GPC5: variants seen among roughly 807,000 people sequenced by gnomAD.
GPC5 encodes glypican-5.
Under a neutral mutation model 53.9 loss-of-function variants are expected in GPC5, and 47 were observed. The observed-to-expected ratio is 0.87, with a 90% confidence interval of 0.69 to 1.11. The LOEUF (loss-of-function observed/expected upper bound fraction) is 1.11. Ranked by LOEUF, GPC5 falls within the 50% of genes most tolerant of loss-of-function variation. The pLI is 0.00. For missense variants in GPC5, 748 were observed against 713.1 expected, an observed-to-expected ratio of 1.05 and a Z score of -0.56; for synonymous variants, 286 against 263.3, an observed-to-expected ratio of 1.09 and a Z score of -0.84.
Position 92,042,412 on chromosome 13 carries a change from G to A in GPC5, c.1402-102418G>A, listed in dbSNP as rs145027394. 1.1e-3 allele frequency among the ~76,000 whole-genome samples: 168 copies of A among 152,146 alleles called. 3 individuals are homozygous for A. In the East Asian group the frequency reaches 0.027, roughly 25 times the overall value. On this transcript the variant is annotated intron_variant, in intron 6 of 7. Coordinates refer to ENST00000377067, the MANE Select transcript of GPC5 (RefSeq NM_004466.6). ...AATCCAACTTGCTAATAGGGCTCCA[G>A]CACAAGCTTTCACCAATAAGTGGAA...
chr13:91,912,997 C>T (rs1225180483), intron 6 of GPC5, among the ~76,000 whole-genome samples: 2 of 152,124 alleles, frequency 1.3e-5, no homozygotes, highest in Non-Finnish European at 1.5e-5. Flanking sequence ...TCATTGGGCT[C>T]TCTAGAGACC....
intron 7 of GPC5, among the ~76,000 whole-genome samples, chr13:92,395,965 G>A (rs1875251950): frequency 6.6e-6 from 1 of 150,586 alleles, no homozygotes; most frequent in Non-Finnish European, 1.5e-5. Flanking sequence ...ATCCTGTTGG[G>A]TGTTCTCTGA....
rs994339617 is a variant in GPC5 at position 91,868,083 on chromosome 13, T to C, written c.1281-39854T>C. The stretch of plus-strand genomic sequence containing the variant: ...TGAAATCATATTATTCAAGAAATTG[T>C]CTTTTTTCAAGGTCATATTGAAGAG... On this transcript the variant is annotated intron_variant, in intron 5 of 7. Coordinates refer to ENST00000377067, the MANE Select transcript of GPC5 (RefSeq NM_004466.6). 2.6e-5 allele frequency among the ~76,000 whole-genome samples: 4 copies of C among 152,318 alleles called. No homozygotes were observed. In the Middle Eastern group the frequency reaches 0.01, roughly 389 times the overall value.
At chr13:92,062,147 C>T (rs1487308740) in intron 6 of GPC5, among the ~76,000 whole-genome samples, 1 of 151,604 alleles carries the variant, frequency 6.6e-6, no homozygotes, top group East Asian at 1.9e-4. Flanking sequence ...ATTAATTTTG[C>T]TTGATTTTTT....
chr13:91,572,937 T>C (rs569625268), intron 2 of GPC5, among the ~76,000 whole-genome samples: 1 of 152,278 alleles, frequency 6.6e-6, no homozygotes, highest in South Asian at 2.1e-4. Flanking sequence ...ATTATAATTG[T>C]CCCAAATCCA....
intron 7 of GPC5, among the ~76,000 whole-genome samples, chr13:92,470,953 G>C (rs1031236156): frequency 6.6e-6 from 1 of 152,128 alleles, no homozygotes; most frequent in African/African-American, 2.4e-5. Context: ...AAAATGGAGG[G>C]AGACAGGTTT....
chr13:92,527,692 A>C (rs548893108), intron 7 of GPC5, among the ~76,000 whole-genome samples: 1 of 152,310 alleles, frequency 6.6e-6, no homozygotes, highest in South Asian at 2.1e-4. Flanking sequence ...CAGTATTTTC[A>C]ATAGAACTTA....
At chr13:91,841,102 A>G (rs2038781650) in intron 5 of GPC5, among the ~76,000 whole-genome samples, 1 of 151,984 alleles carries the variant, frequency 6.6e-6, no homozygotes. Context: ...GCTAATACAT[A>G]GAGAGCAATT....
rs867350423 is a variant in GPC5, at chr13:92,663,917, C to A, written c.1562-202365C>A. Among the ~76,000 whole-genome samples the A allele has an allele frequency of 1.5e-3, 179 of 123,356 alleles. 3 individuals carry two copies. The highest frequency in any genetic ancestry group is 2.1e-3 in the Non-Finnish European group (126 of 61,242). 80.9% of individuals were successfully genotyped at this position (123,356 alleles called of 152,430 possible). ...ATATATATATATACACACACACACACAAAAATTAGCTCGGCATGGTGCTGC... is the reference window on the plus strand; with the variant it reads ...ATATATATATATACACACACACACAAAAAAATTAGCTCGGCATGGTGCTGC... On this transcript the variant is annotated intron_variant, in intron 7 of 7. Coordinates refer to ENST00000377067, the MANE Select transcript of GPC5 (RefSeq NM_004466.6).
intron 7 of GPC5, among the ~76,000 whole-genome samples, chr13:92,619,127 T>A (rs1884791342): frequency 6.6e-6 from 1 of 151,968 alleles, no homozygotes; most frequent in African/African-American, 2.4e-5. Context: ...GGGCTTCTTT[T>A]CAAACAATTG....
chr13:91,683,656 A>T (rs1314200055), intron 2 of GPC5, among the ~76,000 whole-genome samples: 1 of 152,136 alleles, frequency 6.6e-6, no homozygotes, highest in Non-Finnish European at 1.5e-5. Flanking sequence ...ATTCTTGGCA[A>T]CTATAACATC....
chr13:92,097,409 G>A (rs1407902416), intron 6 of GPC5, among the ~76,000 whole-genome samples: 1 of 152,158 alleles, frequency 6.6e-6, no homozygotes, highest in Non-Finnish European at 1.5e-5. Context: ...AATAAATGCT[G>A]CCAAGAACGT....
Position 91,641,109 on chromosome 13 carries a change from C to T in GPC5, c.326-52078C>T, listed in dbSNP as rs143394240. Among the ~76,000 whole-genome samples, 8 of 152,164 alleles carry T rather than the reference C, an allele frequency of 5.3e-5. No homozygotes were observed. The East Asian group carries it at 1.2e-3, about 22-fold the overall frequency. On this transcript the variant is annotated intron_variant, in intron 2 of 7. Transcript: ENST00000377067. ...TTGGGAGGCCGAGGTGGACAGATCA[C>T]GAGGTCAGGAGATCGAGACCATCCT...
At chr13:92,564,760 G>T (rs1882811989) in intron 7 of GPC5, among the ~76,000 whole-genome samples, 2 of 151,956 alleles carry the variant, frequency 1.3e-5, no homozygotes, top group African/African-American at 4.8e-5. Flanking sequence ...ACATCGGCAG[G>T]TAAGAACATG....
intron 7 of GPC5, among the ~76,000 whole-genome samples, chr13:92,574,783 A>G (rs1436371641): frequency 6.6e-6 from 1 of 152,178 alleles, no homozygotes; most frequent in African/African-American, 2.4e-5. Flanking sequence ...AGAGAATCAT[A>G]ATAAATCAAA....
chr13:91,954,621 T>A (rs750251125), intron 6 of GPC5, among the ~76,000 whole-genome samples: 3 of 152,074 alleles, frequency 2.0e-5, no homozygotes, highest in Non-Finnish European at 4.4e-5. Flanking sequence ...AGAAAATCCA[T>A]GAACAAACTC....
chr13:92,141,695 A>C (rs1242165214), intron 6 of GPC5, among the ~76,000 whole-genome samples: 3 of 152,176 alleles, frequency 2.0e-5, no homozygotes, highest in Non-Finnish European at 4.4e-5. Context: ...ACAGATGAGA[A>C]GTCTGGGTGG....
chr13:92,503,805 A>G (rs1880273205), intron 7 of GPC5, among the ~76,000 whole-genome samples: 1 of 151,846 alleles, frequency 6.6e-6, no homozygotes, highest in South Asian at 2.1e-4. Flanking sequence ...GAAATCACCA[A>G]AGCACAACCA....
At chr13:92,308,890 T>G (rs1476941781) in intron 7 of GPC5, among the ~76,000 whole-genome samples, 3 of 152,104 alleles carry the variant, frequency 2.0e-5, no homozygotes, top group Non-Finnish European at 4.4e-5. Context: ...AATATTGATA[T>G]ATTGGATACA....
Sources: allele counts gnomAD v4.1 joint callset (sites outside exome capture counted in the v4.1 genomes callset), GRCh38; gene constraint gnomAD v4.1.1; transcripts MANE v1.5; gene names NCBI Gene and HGNC (gene_info 2026-07-23, HGNC 2026-07-21).